The following TEX11 variants were observed in gnomAD, a reference collection of about 807,000 sequenced individuals.
TEX11 encodes the protein testis-expressed protein 11.
Under a neutral mutation model 84.4 loss-of-function variants are expected in TEX11, and 7 were observed. The observed-to-expected ratio is 0.08, with a 90% CI of 0.05 to 0.16. TEX11 has a LOEUF of 0.16. Among genes scored for constraint, TEX11 ranks in the 10% least tolerant of loss-of-function variants. The probability of loss-of-function intolerance (pLI) is 1.00; values close to 1 mark genes in which losing one functional copy is unlikely to be tolerated. For synonymous variants in TEX11, 264 were observed against 222.8 expected, an observed-to-expected ratio of 1.18 and a Z score of -1.64; for missense variants, 551 against 660.5, an observed-to-expected ratio of 0.83 and a Z score of 1.82.
intron 25 of TEX11, among the ~76,000 whole-genome samples, chrX:70,570,127 G>A (rs895134127): frequency 6.3e-5 from 7 of 110,389 alleles, no homozygotes; most frequent in South Asian, 3.9e-4. Flanking sequence ...CCCCTCCCCC[G>A]GCCTCGCTGC....
intron 17 of TEX11, among the ~76,000 whole-genome samples, chrX:70,650,328 A>T (rs2089796354): frequency 8.9e-6 from 1 of 111,911 alleles, no homozygotes; most frequent in Non-Finnish European, 1.9e-5. Flanking sequence ...ATGGTCACAG[A>T]CAACTGGAGA....
intron 9 of TEX11, among the ~76,000 whole-genome samples, chrX:70,756,594 G>A (rs6525413): frequency 0.25 from 27,997 of 110,511 alleles, 4,409 homozygotes; most frequent in African/African-American, 0.55. Flanking sequence ...GGACATCTAC[G>A]CCAAAACCCC....
In TEX11 at chrX:70,892,360, A is replaced by G. The variant is rs181104206; in HGVS notation, c.38-12251T>C. On this transcript the variant is annotated intron_variant, in intron 2 of 29. Coordinates refer to ENST00000374333, the MANE Select transcript of TEX11 (RefSeq NM_031276.3). ...GCATTAACTAATGAGCAAAATAACC[A>G]GATAGCATCATGTTGACAGGATCAA... Among the ~76,000 whole-genome samples the G allele has an allele frequency of 2.4e-3, 271 of 111,705 alleles. 5 individuals are homozygous for G. The highest frequency in any genetic ancestry group is 0.023 in the Admixed American group (244 of 10,458).
intron 8 of TEX11, among the ~76,000 whole-genome samples, chrX:70,820,916 G>A (rs1468707127): frequency 1.8e-5 from 2 of 111,310 alleles, no homozygotes; most frequent in African/African-American, 6.5e-5. Flanking sequence ...AGAAAACAAG[G>A]GAAAAGCTTC....
intron 9 of TEX11, among the ~76,000 whole-genome samples, chrX:70,804,150 A>C (rs921361873): frequency 8.9e-6 from 1 of 112,375 alleles, no homozygotes; most frequent in Non-Finnish European, 1.9e-5. Context: ...TCTCTAATAA[A>C]TAGCAAACAT....
chrX:70,752,050 C>G (rs771992807), intron 9 of TEX11, among the ~76,000 whole-genome samples: 1 of 111,613 alleles, frequency 9.0e-6, no homozygotes, highest in Non-Finnish European at 1.9e-5. Context: ...GGAAATTACA[C>G]CAGATGGTAG....
intron 15 of TEX11, among the ~76,000 whole-genome samples, 162 bp from the exon 16 acceptor site, chrX:70,670,676 T>C (rs1246887600): frequency 8.9e-6 from 1 of 112,059 alleles, no homozygotes; most frequent in African/African-American, 3.2e-5. Context: ...TTATCAGTCT[T>C]GGTCAACATA....
chrX:70,566,202 G>C (rs2088472968), intron 25 of TEX11, among the ~76,000 whole-genome samples: 1 of 102,043 alleles, frequency 9.8e-6, no homozygotes. Flanking sequence ...TTGGCTCTCT[G>C]TTTGTCTGTT....
At chrX:70,568,238 G>T (rs1259725335) in intron 25 of TEX11, among the ~76,000 whole-genome samples, 10 of 111,070 alleles carry the variant, frequency 9.0e-5, no homozygotes, top group Admixed American at 2.9e-4. Context: ...CCCTGCCTTT[G>T]TTTGTTTTCC....
chrX:70,635,892 AG>A (rs2089566417), intron 17 of TEX11, among the ~76,000 whole-genome samples: 2 of 110,998 alleles, frequency 1.8e-5, no homozygotes, highest in African/African-American at 6.6e-5. Context: ...CCCTGGCCAT[AG>A]GTACGAGGCT....
chrX:70,694,657 T>A (rs979529791), intron 13 of TEX11, among the ~76,000 whole-genome samples: 5 of 112,095 alleles, frequency 4.5e-5, no homozygotes, highest in African/African-American at 1.6e-4. Flanking sequence ...TCTTGAAAAT[T>A]TAAATACATA....
At chrX:70,564,703 T>C (rs2088432062) in intron 25 of TEX11, among the ~76,000 whole-genome samples, 1 of 107,898 alleles carries the variant, frequency 9.3e-6, no homozygotes, top group Non-Finnish European at 1.9e-5. Context: ...TGATTTCCAA[T>C]TTCATCCATG....
intron 8 of TEX11, among the ~76,000 whole-genome samples, chrX:70,808,937 T>C (rs2091236729): frequency 9.0e-6 from 1 of 111,669 alleles, no homozygotes; most frequent in Non-Finnish European, 1.9e-5. Flanking sequence ...CATGCAACCT[T>C]TCTCAAGAAG....
Position 70,619,551 on chromosome X carries a change from T to C in TEX11, c.1751+4399A>G, listed in dbSNP as rs181313099. Among the ~76,000 whole-genome samples, 11 of 111,737 alleles carry C rather than the reference T, an allele frequency of 9.8e-5. No homozygotes were observed. The East Asian group carries it at 2.5e-3, about 26-fold the overall frequency. On this transcript the variant is annotated intron_variant, in intron 20 of 29. Transcript: ENST00000374333. ...GTAAGAAATGAACAAATGAGTTATGTAGTAAGGGAAATCCAATATTACATC... is the reference window on the plus strand; with the variant it reads ...GTAAGAAATGAACAAATGAGTTATGCAGTAAGGGAAATCCAATATTACATC...
At chrX:70,548,176 C>A (rs1259275539) in intron 28 of TEX11, among the ~76,000 whole-genome samples, 1 of 109,321 alleles carries the variant, frequency 9.1e-6, no homozygotes, top group East Asian at 2.9e-4. Context: ...GGACAAAAAA[C>A]CAAACACCAC....
intron 13 of TEX11, among the ~76,000 whole-genome samples, chrX:70,715,181 T>A (rs1160503541): frequency 9.2e-6 from 1 of 108,676 alleles, no homozygotes; most frequent in East Asian, 2.9e-4. Flanking sequence ...CTGATGGGCT[T>A]CCCTTTGTGG....
chrX:70,561,384 T>C lies in TEX11; in HGVS notation c.2141-6584A>G, dbSNP rs749929342. Among the ~76,000 whole-genome samples, 19 of 81,225 alleles carry C rather than the reference T, an allele frequency of 2.3e-4. No individual in the cohort carries two copies. The South Asian group carries it at 0.013, about 55-fold the overall frequency. The allele number at this position is 81,225 out of a possible 115,157, so 70.5% of individuals were successfully genotyped here. ...AACCTGTATCCAACAACCATATCAATTTACTTTTTTTTTTTTTTTTTTTGA... is the reference window on the plus strand; with the variant it reads ...AACCTGTATCCAACAACCATATCAACTTACTTTTTTTTTTTTTTTTTTTGA... On this transcript the variant is annotated intron_variant, in intron 25 of 29. Transcript: ENST00000374333.
At chrX:70,837,414 T>C (rs2091411996) in intron 7 of TEX11, among the ~76,000 whole-genome samples, 1 of 110,075 alleles carries the variant, frequency 9.1e-6, no homozygotes, top group Admixed American at 9.7e-5. Flanking sequence ...ACAAAAAAAT[T>C]AGCCAGGCAA....
chrX:70,577,893 A>G (rs1021178711), intron 25 of TEX11, among the ~76,000 whole-genome samples: 1 of 110,230 alleles, frequency 9.1e-6, no homozygotes, highest in Non-Finnish European at 1.9e-5. Flanking sequence ...ACGCCAAGCT[A>G]ATTTTTGTAT....
Sources: allele counts gnomAD v4.1 joint callset (sites outside exome capture counted in the v4.1 genomes callset), GRCh38; gene constraint gnomAD v4.1.1; transcripts MANE v1.5; gene names NCBI Gene and HGNC (gene_info 2026-07-23, HGNC 2026-07-21).